Variants in ADAM9 observed in about 807,000 individuals in gnomAD.
ADAM9 encodes ADAM metallopeptidase domain 9.
In ADAM9, 54 loss-of-function variants were observed where a neutral mutation model predicts 108.1. That is an observed-to-expected ratio of 0.50 (90% CI 0.40 to 0.63). The LOEUF is 0.63. Ranked by LOEUF, ADAM9 falls within the 20% of genes least tolerant of loss-of-function variation. The probability of loss-of-function intolerance (pLI) is 0.00; values close to 1 mark genes in which losing one functional copy is unlikely to be tolerated. For synonymous variants in ADAM9, 316 were observed against 336.0 expected (o/e 0.94, Z 0.65); for missense variants, 830 against 997.7 (o/e 0.83, Z 2.26).
intron 12 of ADAM9, among the ~76,000 whole-genome samples, chr8:39,045,437 C>CGTGTGTACACACCTATATGT (rs1564301845): frequency 9.6e-6 from 1 of 104,116 alleles, no homozygotes; most frequent in African/African-American, 3.8e-5. Context: ...CCTATATGTG[C>CGTGTGTACACACCTATATGT]GCGTGTGTAC....
rs566519281 is a variant in ADAM9, at chr8:39,004,766, G to C, written c.98-3120G>C. On this transcript the variant is annotated intron_variant, in intron 1 of 21. Coordinates refer to ENST00000487273, the MANE Select transcript of ADAM9 (RefSeq NM_003816.3). ...CCATATAAGGTAACTTCTGGGCATT[G>C]CCATGGCATTTGTAAACTGTCATGG... Among the ~76,000 whole-genome samples, 3 of 152,280 alleles carry C rather than the reference G, an allele frequency of 2.0e-5. No individual in the cohort carries two copies. The South Asian group carries it at 6.2e-4, about 32-fold the overall frequency.
chr8:39,103,719 T>C lies in ADAM9; in HGVS notation c.*19T>C. 1 of 1,605,804 alleles carries C rather than the reference T, an allele frequency of 6.2e-7. No homozygotes were observed. Among genetic ancestry groups the C allele is most frequent in the Non-Finnish European group, 8.5e-7 (1 of 1,172,524 alleles). ...CACTTGATTTTTTTAACCTTCTTTT[T>C]GCAAATGTCTTCAGGGAACTGAGCT... On this transcript the variant is annotated 3_prime_UTR_variant, in exon 22 of 22. Transcript: ENST00000487273.
chr8:39,097,606 G>A (rs1268504582), intron 20 of ADAM9, among the ~76,000 whole-genome samples: 1 of 152,036 alleles, frequency 6.6e-6, no homozygotes, highest in African/African-American at 2.4e-5. Flanking sequence ...AGCTTGGCCT[G>A]TTGTCTAGTA....
chr8:39,061,884 T>C (rs1057068044), intron 14 of ADAM9, among the ~76,000 whole-genome samples: 1 of 152,132 alleles, frequency 6.6e-6, no homozygotes, highest in Non-Finnish European at 1.5e-5. Context: ...ATTTAAACCA[T>C]ATCTGGCTGC....
At position 39,091,323 on chromosome 8, in the gene ADAM9, C is replaced by G. The variant is rs1839347708; in HGVS notation, c.2275C>G (p.Pro759Ala). The change falls in exon 20 of 22, where the codon CCA (proline) becomes GCA (alanine). Residue 759 changes from proline to alanine, a missense_variant. Pro to Ala is a conservative substitution (Grantham distance 27, BLOSUM62 -1). This residue lies in a region of ADAM9 where 238 missense variants were observed against 235.7 expected (regional missense o/e 1.01). Transcript: ENST00000487273. ...QPGSVPRHVSPVTPPREVPIY... is the reference protein window; with the variant it reads ...QPGSVPRHVSAVTPPREVPIY... ...GGGGAGTGTTCCTCGACATGTTTCT[C>G]CAGTGACACCTCCCAGAGAAGTTGT... is the stretch of plus-strand genomic sequence containing the variant. 6.2e-7 allele frequency: 1 copy of G among 1,614,014 alleles called. No homozygotes were observed. The highest frequency in any genetic ancestry group is 1.7e-5 in the Admixed American group (1 of 60,016).
At chr8:39,090,229 T>G (rs774761594) in intron 19 of ADAM9, 41 bp downstream of exon 19, 1 of 1,507,422 alleles carries the variant, frequency 6.6e-7, no homozygotes, top group South Asian at 1.2e-5. Flanking sequence ...ATTAAATATA[T>G]ACATACATTT....
intron 1 of ADAM9, among the ~76,000 whole-genome samples, chr8:38,999,654 A>T: frequency 6.6e-6 from 1 of 152,226 alleles, no homozygotes; most frequent in Non-Finnish European, 1.5e-5. Context: ...TTTGGTTTTC[A>T]ACCTTTTAAG....
chr8:39,018,608 AT>A, intron 6 of ADAM9: 10 of 523,756 alleles, frequency 1.9e-5, no homozygotes, highest in Admixed American at 3.3e-5. Context: ...CTTCAAAAAC[AT>A]TTTTTTCCCC....
At chr8:39,048,341 A>G (rs541698744) in intron 12 of ADAM9, among the ~76,000 whole-genome samples, 3 of 152,168 alleles carry the variant, frequency 2.0e-5, no homozygotes, top group African/African-American at 7.2e-5. Context: ...TGTGTTGTTT[A>G]ATTTCCACAT....
intron 8 of ADAM9, among the ~76,000 whole-genome samples, chr8:39,022,858 T>C (rs1384040246): frequency 6.6e-6 from 1 of 151,866 alleles, no homozygotes; most frequent in Non-Finnish European, 1.5e-5. Flanking sequence ...GGTTTACAGG[T>C]GTGCACCACC....
At chr8:39,087,046 A>G (rs1412755127) in intron 18 of ADAM9, among the ~76,000 whole-genome samples, 1 of 152,174 alleles carries the variant, frequency 6.6e-6, no homozygotes, top group African/African-American at 2.4e-5. Flanking sequence ...GCACCGATGC[A>G]GATCTTTCAG....
In ADAM9 at chr8:38,997,100, C is replaced by T; in HGVS notation, c.37C>T (p.Arg13Cys). 6.2e-7 allele frequency: 1 copy of T among 1,606,772 alleles called. No homozygotes were observed. The highest frequency in any genetic ancestry group is 8.5e-7 in the Non-Finnish European group (1 of 1,179,598). The stretch of plus-strand genomic sequence containing the variant: ...CGCGCGCTTTCCCTCGGGGACCCTT[C>T]GTGTCCGGTGGTTGCTGTTGCTTGG... ...SGARFPSGTL[R>C]VRWLLLLGLV... is the part of the protein sequence containing the mutation. The change falls in exon 1 of 22, where the codon CGT becomes TGT. Residue 13 changes from arginine to cysteine, a missense_variant. Around this residue, in one of 3 missense-constraint regions of ADAM9, gnomAD observed 211 missense variants for 222.2 expected, o/e 0.95. Coordinates refer to ENST00000487273, the MANE Select transcript of ADAM9 (RefSeq NM_003816.3).
intron 18 of ADAM9, among the ~76,000 whole-genome samples, chr8:39,085,175 G>T (rs1839147964): frequency 1.3e-5 from 2 of 151,974 alleles, no homozygotes; most frequent in South Asian, 4.2e-4. Flanking sequence ...TATTTAACTT[G>T]ACTATTGATG....
At chr8:39,031,475 C>T (rs559407833) in intron 11 of ADAM9, among the ~76,000 whole-genome samples, 4 of 152,294 alleles carry the variant, frequency 2.6e-5, no homozygotes, top group African/African-American at 7.2e-5. Context: ...ACATAGTTCT[C>T]GTGCCATGGT....
intron 11 of ADAM9, among the ~76,000 whole-genome samples, chr8:39,036,377 A>C (rs1222758598): frequency 3.9e-5 from 6 of 152,126 alleles, no homozygotes; most frequent in African/African-American, 1.4e-4. Context: ...AAGACTTCCT[A>C]ATCCTAGGCT....
intron 14 of ADAM9, among the ~76,000 whole-genome samples, chr8:39,059,977 G>A (rs1472959287): frequency 6.6e-6 from 1 of 152,182 alleles, no homozygotes. Context: ...CCTTGGTTTG[G>A]CTCAATTACA....
chr8:39,025,671 A>ATT (rs374478855), intron 9 of ADAM9, 132 bp from the exon 10 acceptor site: 48 of 625,480 alleles, frequency 7.7e-5, no homozygotes, highest in Non-Finnish European at 9.0e-5. Flanking sequence ...TGATTTTAGA[A>ATT]TTTTTTTTTT....
At chr8:38,998,771 G>A (rs1284778632) in intron 1 of ADAM9, among the ~76,000 whole-genome samples, 1 of 152,046 alleles carries the variant, frequency 6.6e-6, no homozygotes, top group Non-Finnish European at 1.5e-5. Context: ...GTGGGGCGGG[G>A]GGCGTATGAA....
intron 12 of ADAM9, among the ~76,000 whole-genome samples, chr8:39,045,926 A>G (rs921110116): frequency 1.3e-5 from 2 of 151,534 alleles, no homozygotes; most frequent in East Asian, 1.9e-4. Context: ...CTATTGTAAG[A>G]TGATATCTCA....
Sources: gnomAD v4.1 joint callset for allele counts (sites outside exome capture counted in the v4.1 genomes callset) on GRCh38, gnomAD v4.1.1 for gene constraint, gnomAD v4.1.1 regional missense constraint, MANE v1.5 for transcripts, NCBI Gene and HGNC (gene_info 2026-07-23, HGNC 2026-07-21) for gene names.